TLCD3A: variants seen among roughly 807,000 people sequenced by gnomAD.
The protein encoded by TLCD3A is TLC domain containing 3A.
TLCD3A carries 17 observed loss-of-function variants against 29.9 expected under a neutral mutation model. The ratio of observed to expected loss-of-function variants is 0.57; its 90% CI spans 0.39 to 0.85. TLCD3A has a LOEUF of 0.85. Among genes scored for constraint, TLCD3A ranks in the 40% least tolerant of loss-of-function variants. TLCD3A has a pLI of 0.00. For synonymous variants in TLCD3A, 143 were observed against 147.7 expected, an observed-to-expected ratio of 0.97 and a Z score of 0.23; for missense variants, 332 against 350.8, an observed-to-expected ratio of 0.95 and a Z score of 0.43.
At position 737,985 on chromosome 17, in the gene TLCD3A, C is replaced by T. The variant is rs747021307; in HGVS notation, c.346C>T (p.Arg116Ter). The T allele has an allele frequency of 1.3e-5, 21 of 1,613,840 alleles. No homozygotes were observed. The highest frequency in any genetic ancestry group is 2.7e-5 in the African/African-American group (2 of 74,856). Residue 116 changes from arginine (R) to a stop codon, truncating the protein, a stop_gained, in exon 3 of 5, where the codon CGA becomes TGA. Transcript: ENST00000308278. LOFTEE classifies it high-confidence loss of function. ...PSLTLRNFLSRNRLMITHHAV... is the reference protein window; with the variant it reads ...PSLTLRNFLS Reference sequence around the variant, plus strand: ...CCTCACTCTTCGAAACTTCCTAAGTCGAAACCGCCTCATGATCACACATCA... The same window carrying T: ...CCTCACTCTTCGAAACTTCCTAAGTTGAAACCGCCTCATGATCACACATCA...
chr17:738,626 G>C (rs1299934928), intron 3 of TLCD3A, among the ~76,000 whole-genome samples: 1 of 152,182 alleles, frequency 6.6e-6, no homozygotes, highest in African/African-American at 2.4e-5. Context: ...CGGGTGGAGT[G>C]CAGTTGTTGG....
intron 1 of TLCD3A, 144 bp downstream of exon 1, chr17:732,913 A>G: frequency 1.5e-6 from 2 of 1,355,534 alleles, no homozygotes; most frequent in South Asian, 1.6e-5. Flanking sequence ...GAGTTTCCGA[A>G]GCCCCTCCGC....
rs775735714 is a variant in TLCD3A, at chr17:737,867, T to C, written c.228T>C (p.Tyr76=). The C allele has an allele frequency of 2.5e-6, 4 of 1,614,150 alleles. No individual in the cohort carries two copies. The highest frequency in any genetic ancestry group is 2.2e-5 in the South Asian group (2 of 91,078). Residue 76 remains tyrosine (Y), a synonymous_variant, in exon 3 of 5, where the codon TAT becomes TAC. Transcript: ENST00000308278. ...ITGRHWLARE[Y]VWFLIPYMIY... is the part of the protein sequence containing the mutation. ...TCAGGCACTGGCTTGCCCGGGAATATGTGTGGTTTCTGATTCCATACATGA... is the reference window on the plus strand; with the variant it reads ...TCAGGCACTGGCTTGCCCGGGAATACGTGTGGTTTCTGATTCCATACATGA...
intron 1 of TLCD3A, 93 bp downstream of exon 1, chr17:732,862 CA>C: frequency 7.3e-7 from 1 of 1,366,152 alleles, no homozygotes; most frequent in East Asian, 3.1e-5. Context: ...AGGGGGGCGG[CA>C]GGAAGCCCGG....
At chr17:734,662 T>C (rs1413053984) in intron 2 of TLCD3A, among the ~76,000 whole-genome samples, 3 of 152,186 alleles carry the variant, frequency 2.0e-5, no homozygotes, top group Non-Finnish European at 2.9e-5. Context: ...TATTTTTCTA[T>C]TATATGCCTT....
In TLCD3A at chr17:742,751, T is replaced by C. The variant is rs187857552; in HGVS notation, c.*1181T>C. ...GGATGAATTTAAGACTGTGCTACCA[T>C]GTGTTCTCAAGTGGTAGTTTAAAAA... is the stretch of plus-strand genomic sequence containing the variant. On this transcript the variant is annotated 3_prime_UTR_variant, in exon 5 of 5. Transcript: ENST00000308278. 1.3e-5 allele frequency: 2 copies of C among 152,736 alleles called. No homozygotes were observed. The highest frequency in any genetic ancestry group is 3.9e-4 in the East Asian group (2 of 5,182). 9.5% of individuals were successfully genotyped at this position (152,736 alleles called of 1,614,324 possible).
intron 3 of TLCD3A, among the ~76,000 whole-genome samples, chr17:738,987 A>G (rs1405398558): frequency 2.6e-5 from 4 of 152,224 alleles, no homozygotes; most frequent in East Asian, 1.9e-4. Flanking sequence ...ACAAAGCAAC[A>G]TAACAGTGCC....
chr17:741,683 G>A lies in TLCD3A; in HGVS notation c.*113G>A. On this transcript the variant is annotated 3_prime_UTR_variant, in exon 5 of 5. Transcript: ENST00000308278. ...GACTTTGGGTATTGATAAGCCGATG[G>A]ATTTGAGTTTTTCTAAAGAATATTC... The A allele has an allele frequency of 7.7e-7, 1 of 1,296,792 alleles. No individual in the cohort carries two copies. Among genetic ancestry groups the A allele is most frequent in the Non-Finnish European group, 1.0e-6 (1 of 957,100 alleles). 80.3% of individuals were successfully genotyped at this position (1,296,792 alleles called of 1,614,324 possible). A position where few individuals can be genotyped will look rare whatever the true frequency, so the allele number is the denominator to read the frequency against.
chr17:741,328 A>C lies in TLCD3A; in HGVS notation c.532A>C (p.Lys178Gln), dbSNP rs969652739. Residue 178 changes from lysine to glutamine, a missense_variant, in exon 5 of 5, where the codon AAG becomes CAG. By Grantham distance (53) the Lys-to-Gln change is moderately conservative (BLOSUM62 1). Transcript: ENST00000308278. ...QLKQQHTLLY[K>Q]VNGILTLATF... ...AAAGCAGCAGCACACCCTTCTGTACAAGGTGAATGGAATCCTCACGCTGGC... is the reference window on the plus strand; with the variant it reads ...AAAGCAGCAGCACACCCTTCTGTACCAGGTGAATGGAATCCTCACGCTGGC... 12 of 1,614,020 alleles carry C rather than the reference A, an allele frequency of 7.4e-6. No homozygotes were observed. Among genetic ancestry groups the C allele is most frequent in the African/African-American group, 1.3e-5 (1 of 74,890 alleles).
Position 742,884 on chromosome 17 carries a change from ATTT to A in TLCD3A, c.*1318_*1320del, listed in dbSNP as rs1002725359. On this transcript the variant is annotated 3_prime_UTR_variant, in exon 5 of 5. Coordinates refer to ENST00000308278, the MANE Select transcript of TLCD3A (RefSeq NM_024792.3). ...GGTGCCATTTAAAAAACAAAATGCT[ATTT>A]TTTAATTGTCTTTTTTTTTTAACTA... 3 of 152,300 alleles carry A rather than the reference ATTT, an allele frequency of 2.0e-5. No individual in the cohort carries two copies. The highest frequency in any genetic ancestry group is 6.5e-5 in the Admixed American group (1 of 15,280). 9.4% of individuals were successfully genotyped at this position (152,300 alleles called of 1,614,324 possible). A position where few individuals can be genotyped will look rare whatever the true frequency, so the allele number is the denominator to read the frequency against.
chr17:735,780 C>T (rs1229313635), intron 2 of TLCD3A, among the ~76,000 whole-genome samples: 3 of 151,112 alleles, frequency 2.0e-5, no homozygotes, highest in Non-Finnish European at 2.9e-5. Context: ...GTCTGGCCAA[C>T]ATGGTGAAAC....
At position 733,162 on chromosome 17, in the gene TLCD3A, G is replaced by C; in HGVS notation, c.187G>C (p.Asp63His). Residue 63 changes from aspartate to histidine, a missense_variant, in exon 2 of 5, where the codon GAC (aspartate) becomes CAC (histidine). Physicochemically the swap from Asp to His is moderately conservative, Grantham distance 81. Coordinates refer to ENST00000308278, the MANE Select transcript of TLCD3A (RefSeq NM_024792.3). Reference protein sequence around the residue: ...GSGIVIIRSCDDVITGRHWLA... With the variant: ...GSGIVIIRSCHDVITGRHWLA... ...GGGGATCGTCATCATTCGCTCCTGC[G>C]ACGACGTGATCACCGGCAGGTAAGA... 3 of 1,571,018 alleles carry C rather than the reference G, an allele frequency of 1.9e-6. No homozygotes were observed. The highest frequency in any genetic ancestry group is 1.7e-6 in the Non-Finnish European group (2 of 1,160,708).
chr17:738,094 G>GTTT, intron 3 of TLCD3A, 47 bp downstream of exon 3: 38 of 428,554 alleles, frequency 8.9e-5, no homozygotes, highest in African/African-American at 8.1e-4. Flanking sequence ...TGAGCTGGGT[G>GTTT]TCTTTTTTTT....
At position 742,404 on chromosome 17, in the gene TLCD3A, G is replaced by T. The variant is rs1974271473; in HGVS notation, c.*834G>T. 1 of 152,232 alleles carries T rather than the reference G, an allele frequency of 6.6e-6. No individual in the cohort carries two copies. The highest frequency in any genetic ancestry group is 1.5e-5 in the Non-Finnish European group (1 of 68,048). The allele number at this position is 152,232 out of a possible 1,614,324, so 9.4% of individuals were successfully genotyped here. On this transcript the variant is annotated 3_prime_UTR_variant, in exon 5 of 5. Coordinates refer to ENST00000308278, the MANE Select transcript of TLCD3A (RefSeq NM_024792.3). Reference sequence around the variant, plus strand: ...ATAAAACTACAGGGAAGCGTGAAATGATGGCTTTGGTAGCTGTTTACTGGG... The same window carrying T: ...ATAAAACTACAGGGAAGCGTGAAATTATGGCTTTGGTAGCTGTTTACTGGG...
intron 2 of TLCD3A, among the ~76,000 whole-genome samples, chr17:735,822 G>A (rs1974145506): frequency 6.6e-6 from 1 of 150,728 alleles, no homozygotes; most frequent in Non-Finnish European, 1.5e-5. Context: ...AAAAAAAAAA[G>A]AAAATAGCCG....
intron 3 of TLCD3A, among the ~76,000 whole-genome samples, chr17:739,224 C>T (rs559856993): frequency 2.6e-5 from 4 of 151,178 alleles, no homozygotes; most frequent in Admixed American, 1.3e-4. Flanking sequence ...TTTGAGATGG[C>T]GTTTTGCTCT....
rs1274740527 is a variant in TLCD3A, at chr17:740,521, T to C, written c.425T>C (p.Leu142Pro). The C allele has an allele frequency of 2.5e-6, 4 of 1,614,028 alleles. No individual in the cohort carries two copies. The highest frequency in any genetic ancestry group is 3.4e-6 in the Non-Finnish European group (4 of 1,179,992). Residue 142 changes from leucine to proline, a missense_variant, in exon 4 of 5, where the codon CTT becomes CCT. Leu to Pro is a moderately conservative substitution (Grantham distance 98). Transcript: ENST00000308278. ...CATCCGCAGAGGCTCCGGGGAGACC[T>C]TGGGGACTTCTTTGTCGGCTGCATC... ...VPVAQRLRGD[L>P]GDFFVGCIFT... is the part of the protein sequence containing the mutation.
chr17:741,753 T>C lies in TLCD3A; in HGVS notation c.*183T>C. On this transcript the variant is annotated 3_prime_UTR_variant, in exon 5 of 5. Coordinates refer to ENST00000308278, the MANE Select transcript of TLCD3A (RefSeq NM_024792.3). The stretch of plus-strand genomic sequence containing the variant: ...ACTTGCCCTATTTGCAAAAGCACTT[T>C]TGTAGTAACAACTATTGGGTCCTGT... 1.4e-6 allele frequency: 1 copy of C among 706,400 alleles called. No individual in the cohort carries two copies. The highest frequency in any genetic ancestry group is 1.9e-5 in the South Asian group (1 of 52,438). The allele number at this position is 706,400 out of a possible 1,614,324, so 43.8% of individuals were successfully genotyped here.
chr17:736,793 G>A (rs1275437238), intron 2 of TLCD3A, among the ~76,000 whole-genome samples: 1 of 143,744 alleles, frequency 7.0e-6, no homozygotes, highest in Non-Finnish European at 1.5e-5. Flanking sequence ...GTAGCTGGGA[G>A]TACAGGTGCA....
Sources: allele counts gnomAD v4.1 joint callset (sites outside exome capture counted in the v4.1 genomes callset), GRCh38; gene constraint gnomAD v4.1.1; transcripts MANE v1.5; gene names NCBI Gene and HGNC (gene_info 2026-07-23, HGNC 2026-07-21).